Variants in GPC6 observed in about 807,000 individuals in gnomAD.
The protein encoded by GPC6 is glypican-6.
Under a neutral mutation model 55.2 loss-of-function variants are expected in GPC6, and 14 were observed. The ratio of observed to expected loss-of-function variants is 0.25; its 90% confidence interval spans 0.17 to 0.40. The LOEUF (loss-of-function observed/expected upper bound fraction) is 0.40, where lower values mean the gene tolerates loss of function less well. Among genes scored for constraint, GPC6 ranks in the 10% least tolerant of loss-of-function variants. The probability of loss-of-function intolerance (pLI) is 1.00; values close to 1 mark genes in which losing one functional copy is unlikely to be tolerated. For missense variants in GPC6, 641 were observed against 708.5 expected, an observed-to-expected ratio of 0.90 and a Z score of 1.08; for synonymous variants, 278 against 259.6, an observed-to-expected ratio of 1.07 and a Z score of -0.68.
intron 3 of GPC6, among the ~76,000 whole-genome samples, chr13:93,844,327 C>G (rs952449236): frequency 6.6e-6 from 1 of 151,962 alleles, no homozygotes; most frequent in Non-Finnish European, 1.5e-5. Flanking sequence ...TTAGTAGAGA[C>G]GGGGTTTCAC....
intron 1 of GPC6, among the ~76,000 whole-genome samples, chr13:93,400,004 G>A (rs1876009690): frequency 6.6e-6 from 1 of 152,136 alleles, no homozygotes; most frequent in African/African-American, 2.4e-5. Context: ...TCAGTAAATT[G>A]AAATAATCGC....
intron 2 of GPC6, among the ~76,000 whole-genome samples, chr13:93,648,715 G>C (rs1377339510): frequency 6.6e-6 from 1 of 152,176 alleles, no homozygotes; most frequent in African/African-American, 2.4e-5. Context: ...CCAAGCATCA[G>C]TGCTTATACT....
chr13:93,556,408 G>GTA (rs36113667), intron 2 of GPC6, among the ~76,000 whole-genome samples: 31,540 of 130,558 alleles, frequency 0.24, 4,413 homozygotes, highest in Non-Finnish European at 0.33. Flanking sequence ...GTATGTATAT[G>GTA]TATATATATA....
rs539405619 is a variant in GPC6, at chr13:93,540,774, G to A, written c.161-4489G>A. ...CATCCTACAGTGGTGTAGAACACTA[G>A]AACTTATTCCTCCTATTAGCTATAA... On this transcript the variant is annotated intron_variant, in intron 1 of 8. Coordinates refer to ENST00000377047, the MANE Select transcript of GPC6 (RefSeq NM_005708.5). Among the ~76,000 whole-genome samples, 6 of 152,078 alleles carry A rather than the reference G, an allele frequency of 3.9e-5. No homozygotes were observed. In the South Asian group the frequency reaches 8.3e-4, roughly 21 times the overall value.
intron 6 of GPC6, among the ~76,000 whole-genome samples, chr13:94,311,824 CAA>C (rs977916775): frequency 1.3e-5 from 2 of 152,042 alleles, no homozygotes; most frequent in South Asian, 2.1e-4. Flanking sequence ...ACAGGGAAGA[CAA>C]ATAGCTCAAG....
chr13:93,489,093 T>A (rs1361760346), intron 1 of GPC6, among the ~76,000 whole-genome samples: 1 of 151,582 alleles, frequency 6.6e-6, no homozygotes, highest in Non-Finnish European at 1.5e-5. Context: ...CTAGGGTTTT[T>A]ATGGTTTTAG....
intron 4 of GPC6, among the ~76,000 whole-genome samples, chr13:94,163,722 G>A (rs1410960472): frequency 6.6e-6 from 1 of 152,184 alleles, no homozygotes; most frequent in Non-Finnish European, 1.5e-5. Flanking sequence ...GTTCAAGAGA[G>A]CCCTTGGAGA....
intron 2 of GPC6, among the ~76,000 whole-genome samples, chr13:93,750,183 G>A (rs1952312678): frequency 6.6e-6 from 1 of 152,174 alleles, no homozygotes; most frequent in South Asian, 2.1e-4. Flanking sequence ...ACAAAGGAGG[G>A]CAAAAGGAAT....
intron 4 of GPC6, among the ~76,000 whole-genome samples, chr13:94,279,507 C>A (rs182977105): frequency 6.6e-6 from 1 of 152,020 alleles, no homozygotes; most frequent in Non-Finnish European, 1.5e-5. Context: ...TTTGCTCTTG[C>A]TTCTCTAGTT....
At chr13:93,818,471 G>A (rs1207151850) in intron 2 of GPC6, 1 of 152,114 alleles carries the variant, frequency 6.6e-6, no homozygotes, top group Non-Finnish European at 1.5e-5. Context: ...CACCCTAGGT[G>A]GGCCGTGACT....
chr13:94,067,676 T>C (rs1288844747), intron 4 of GPC6, among the ~76,000 whole-genome samples: 2 of 152,204 alleles, frequency 1.3e-5, no homozygotes, highest in African/African-American at 4.8e-5. Context: ...TATTTGTGTT[T>C]GTATCCATAT....
intron 1 of GPC6, among the ~76,000 whole-genome samples, chr13:93,470,216 A>G (rs1165114403): frequency 6.6e-6 from 1 of 152,018 alleles, no homozygotes; most frequent in Non-Finnish European, 1.5e-5. Flanking sequence ...GACAGTGTTC[A>G]GTCTTTCTTC....
intron 5 of GPC6, among the ~76,000 whole-genome samples, chr13:94,293,290 G>C (rs1313645780): frequency 6.6e-6 from 1 of 152,166 alleles, no homozygotes; most frequent in Non-Finnish European, 1.5e-5. Context: ...CATGTCAAGG[G>C]AGGGAACTGG....
chr13:93,827,925 G>A (rs80286689), intron 2 of GPC6, among the ~76,000 whole-genome samples: 5,135 of 151,876 alleles, frequency 0.034, 281 homozygotes, highest in African/African-American at 0.11. Flanking sequence ...GTTACCCTCA[G>A]TAAAAGAGAA....
rs150555268 is a variant in GPC6 at position 93,972,805 on chromosome 13, T to C, written c.712-54924T>C. Among the ~76,000 whole-genome samples the C allele has an allele frequency of 4.1e-4, 63 of 152,252 alleles. No homozygotes were observed. In the East Asian group the frequency reaches 0.011, roughly 26 times the overall value. ...AATTCCAGGTGCTTGGCTGGAACCATTCACTAGCTAAAGGACTCTCCCAAA... is the reference window on the plus strand; with the variant it reads ...AATTCCAGGTGCTTGGCTGGAACCACTCACTAGCTAAAGGACTCTCCCAAA... On this transcript the variant is annotated intron_variant, in intron 3 of 8. Coordinates refer to ENST00000377047, the MANE Select transcript of GPC6 (RefSeq NM_005708.5).
chr13:93,938,200 A>G (rs1409505088), intron 3 of GPC6, among the ~76,000 whole-genome samples: 1 of 152,182 alleles, frequency 6.6e-6, no homozygotes, highest in African/African-American at 2.4e-5. Context: ...TAGTCAAACA[A>G]AAAACTCTGG....
intron 2 of GPC6, among the ~76,000 whole-genome samples, chr13:93,582,941 A>G (rs1403344462): frequency 6.6e-6 from 1 of 152,230 alleles, no homozygotes; most frequent in Non-Finnish European, 1.5e-5. Flanking sequence ...ATCCGTGTAG[A>G]TGTTCAAAAA....
chr13:93,435,212 C>T (rs2762092), intron 1 of GPC6, among the ~76,000 whole-genome samples: 114,190 of 151,854 alleles, frequency 0.75, 44,876 homozygotes, highest in Non-Finnish European at 0.89. Context: ...TCTCTTAGGC[C>T]CAAGTGATCC....
rs59377460 is a variant in GPC6 at position 93,439,724 on chromosome 13, C to T, written c.161-105539C>T. On this transcript the variant is annotated intron_variant, in intron 1 of 8. Coordinates refer to ENST00000377047, the MANE Select transcript of GPC6 (RefSeq NM_005708.5). Reference sequence around the variant, plus strand: ...TAAAATAAAATAAAATAAAATAAAACACCAAGCTTCGGGTGTGTCTTTATT... The same window carrying T: ...TAAAATAAAATAAAATAAAATAAAATACCAAGCTTCGGGTGTGTCTTTATT... Among the ~76,000 whole-genome samples the T allele has an allele frequency of 1.9e-3, 286 of 149,546 alleles. 3 individuals are homozygous for T. Among genetic ancestry groups the T allele is most frequent in the African/African-American group, 7.0e-3 (276 of 39,344 alleles).
Sources: gnomAD v4.1 joint callset for allele counts (sites outside exome capture counted in the v4.1 genomes callset) on GRCh38, gnomAD v4.1.1 for gene constraint, MANE v1.5 for transcripts, NCBI Gene and HGNC (gene_info 2026-07-23, HGNC 2026-07-21) for gene names.